MAMLD1: variants seen among roughly 807,000 people sequenced by gnomAD.
MAMLD1 encodes the protein mastermind like domain containing 1.
In MAMLD1, 14 loss-of-function variants were observed where a neutral mutation model predicts 45.0. The ratio of observed to expected loss-of-function variants is 0.31; its 90% CI spans 0.21 to 0.49. The LOEUF is 0.49. Ranked by LOEUF, MAMLD1 falls within the 20% of genes least tolerant of loss-of-function variation. The pLI, the probability that MAMLD1 is intolerant of heterozygous loss-of-function variation, is 0.99. For synonymous variants in MAMLD1, 254 were observed against 247.8 expected (o/e 1.02, Z -0.24); for missense variants, 543 against 603.6 (o/e 0.90, Z 1.05).
At position 150,393,407 on chromosome X, in the gene MAMLD1, C is replaced by T. The variant is rs1356926626; in HGVS notation, c.-64+29877C>T. On this transcript the variant is annotated intron_variant, in intron 1 of 7. Coordinates refer to ENST00000370401, the MANE Select transcript of MAMLD1 (RefSeq NM_005491.5). ...TTATAAATAAAGCTACTATAAATATCCATGTGCAGGCTTTTGTGCTGACAT... is the reference window on the plus strand; with the variant it reads ...TTATAAATAAAGCTACTATAAATATTCATGTGCAGGCTTTTGTGCTGACAT... Among the ~76,000 whole-genome samples the T allele has an allele frequency of 4.4e-5, 5 of 112,473 alleles. No homozygotes were observed. In the Admixed American group the frequency reaches 4.7e-4, roughly 11 times the overall value.
chrX:150,389,099 T>G (rs1419569285), intron 1 of MAMLD1, among the ~76,000 whole-genome samples: 1 of 111,277 alleles, frequency 9.0e-6, no homozygotes, highest in Non-Finnish European at 1.9e-5. Context: ...CAGGCTGAAG[T>G]GCAATGGCAT....
chrX:150,426,072 G>C (rs904071810), intron 1 of MAMLD1, among the ~76,000 whole-genome samples: 1 of 111,371 alleles, frequency 9.0e-6, no homozygotes, highest in African/African-American at 3.3e-5. Context: ...CAAAGCCTTG[G>C]CTATACTGAC....
intron 1 of MAMLD1, among the ~76,000 whole-genome samples, chrX:150,428,240 G>A (rs782277567): frequency 3.0e-4 from 34 of 111,669 alleles, no homozygotes; most frequent in Non-Finnish European, 6.2e-4. Context: ...TGTGAGTACA[G>A]TACTCACTCC....
chrX:150,365,981 A>G (rs1449937903), intron 1 of MAMLD1, among the ~76,000 whole-genome samples: 1 of 112,635 alleles, frequency 8.9e-6, no homozygotes, highest in African/African-American at 3.2e-5. Context: ...TAATGTTAGA[A>G]GTAACCTTTC....
rs1491519566 is a variant in MAMLD1 at position 150,481,969 on chromosome X, A to AAAGAAAGAAAG, written c.2040+8170_2040+8180dup. On this transcript the variant is annotated intron_variant, in intron 5 of 7. Coordinates refer to ENST00000370401, the MANE Select transcript of MAMLD1 (RefSeq NM_005491.5). ...AAAAAGAAAGAAAGAAAGAAAAAAGAAAGAAAGAAAGAAAGAAAGAAAGAA... is the reference window on the plus strand; with the variant it reads ...AAAAAGAAAGAAAGAAAGAAAAAAGAAAGAAAGAAAGAAGAAAGAAAGAAAGAAAGAAAGAA... Among the ~76,000 whole-genome samples, 4 of 35,232 alleles carry AAAGAAAGAAAG rather than the reference A, an allele frequency of 1.1e-4. No homozygotes were observed. The East Asian group carries it at 3.0e-3, about 26-fold the overall frequency. The allele number at this position is 35,232 out of a possible 115,157, so 30.6% of individuals were successfully genotyped here. A position where few individuals can be genotyped will look rare whatever the true frequency, so the allele number is the denominator to read the frequency against.
intron 1 of MAMLD1, among the ~76,000 whole-genome samples, chrX:150,418,105 A>T (rs199605479): frequency 9.0e-6 from 1 of 111,369 alleles, no homozygotes; most frequent in Non-Finnish European, 1.9e-5. Flanking sequence ...GATTATTGCC[A>T]CAATTTCAGC....
chrX:150,491,132 T>C (rs782059206), intron 5 of MAMLD1, among the ~76,000 whole-genome samples: 1 of 111,128 alleles, frequency 9.0e-6, no homozygotes, highest in South Asian at 3.9e-4. Flanking sequence ...GGGATTTCTG[T>C]TTGTTTTTTC....
chrX:150,416,219 A>G (rs1251988560), intron 1 of MAMLD1, among the ~76,000 whole-genome samples: 1 of 111,614 alleles, frequency 9.0e-6, no homozygotes, highest in African/African-American at 3.3e-5. Context: ...ATGGGATAGA[A>G]TAGTTTTGAG....
At chrX:150,413,851 A>G (rs2034182186) in intron 1 of MAMLD1, among the ~76,000 whole-genome samples, 1 of 109,227 alleles carries the variant, frequency 9.2e-6, no homozygotes. Context: ...TACAAAGGAT[A>G]GAACTCCTCA....
At position 150,470,255 on chromosome X, in the gene MAMLD1, T is replaced by A. The variant is rs782717306; in HGVS notation, c.682T>A (p.Ser228Thr). 1 of 1,211,298 alleles carries A rather than the reference T, an allele frequency of 8.3e-7. No individual in the cohort carries two copies. The highest frequency in any genetic ancestry group is 1.1e-6 in the Non-Finnish European group (1 of 895,089). ...STTPKPSVQM[S>T]HLESLASSKE... Reference sequence around the variant, plus strand: ...AACTCCCAAGCCTTCGGTTCAGATGTCACACTTGGAGAGCCTGGCTTCCAG... The same window carrying A: ...AACTCCCAAGCCTTCGGTTCAGATGACACACTTGGAGAGCCTGGCTTCCAG... Residue 228 changes from serine (S) to threonine (T), a missense_variant, in exon 4 of 8, where the codon TCA (serine) becomes ACA (threonine). Physicochemically the swap from Ser to Thr is moderately conservative, Grantham distance 58 (BLOSUM62 1). Transcript: ENST00000370401.
At chrX:150,408,558 A>G (rs2034051464) in intron 1 of MAMLD1, among the ~76,000 whole-genome samples, 1 of 112,292 alleles carries the variant, frequency 8.9e-6, no homozygotes, top group African/African-American at 3.2e-5. Context: ...CTCCATGTCA[A>G]CTTTTATCTG....
chrX:150,476,145 G>C (rs1331807708), intron 5 of MAMLD1, among the ~76,000 whole-genome samples: 2 of 111,413 alleles, frequency 1.8e-5, no homozygotes, highest in Non-Finnish European at 3.8e-5. Flanking sequence ...TATTAAGGGA[G>C]GGATCTTTAA....
At position 150,413,103 on chromosome X, in the gene MAMLD1, C is replaced by A. The variant is rs59392249; in HGVS notation, c.-63-32351C>A. Among the ~76,000 whole-genome samples, 784 of 111,386 alleles carry A rather than the reference C, an allele frequency of 7.0e-3. 9 individuals carry two copies. The highest frequency in any genetic ancestry group is 0.024 in the African/African-American group (740 of 30,630). Reference sequence around the variant, plus strand: ...TTTAGCTACCTGAGGCATTGCAAACCTGACTTGGACATTTTTGGGGTGTTC... The same window carrying A: ...TTTAGCTACCTGAGGCATTGCAAACATGACTTGGACATTTTTGGGGTGTTC... On this transcript the variant is annotated intron_variant, in intron 1 of 7. Transcript: ENST00000370401.
chrX:150,496,292 G>A (rs1239291923), intron 5 of MAMLD1, among the ~76,000 whole-genome samples: 2 of 112,572 alleles, frequency 1.8e-5, no homozygotes, highest in Middle Eastern at 4.6e-3. Context: ...TTGCGGTTAA[G>A]AGCCTGGATT....
chrX:150,415,444 A>C lies in MAMLD1; in HGVS notation c.-63-30010A>C, dbSNP rs2034225701. On this transcript the variant is annotated intron_variant, in intron 1 of 7. Transcript: ENST00000370401. ...ACTGTACCTTAACTTTGAATACAGA[A>C]TGCAATACAGAATGAAAAGTTTGTC... is the stretch of plus-strand genomic sequence containing the variant. Among the ~76,000 whole-genome samples the C allele has an allele frequency of 1.2e-4, 14 of 112,773 alleles. 1 individual carries two copies. Among genetic ancestry groups the C allele is most frequent in the Non-Finnish European group, 1.9e-5 (1 of 53,351 alleles).
At chrX:150,431,526 A>AT (rs782374505) in intron 1 of MAMLD1, among the ~76,000 whole-genome samples, 1 of 110,553 alleles carries the variant, frequency 9.0e-6, no homozygotes, top group South Asian at 3.9e-4. Context: ...CGTAATAAGC[A>AT]TAGTACCTGA....
intron 1 of MAMLD1, among the ~76,000 whole-genome samples, chrX:150,372,474 A>T (rs1398901257): frequency 8.9e-6 from 1 of 111,852 alleles, no homozygotes; most frequent in Non-Finnish European, 1.9e-5. Flanking sequence ...CCAACGTCAC[A>T]TGGTTTGCGT....
chrX:150,386,916 T>C (rs1490127339), intron 1 of MAMLD1, among the ~76,000 whole-genome samples: 3 of 111,595 alleles, frequency 2.7e-5, no homozygotes, highest in African/African-American at 9.8e-5. Context: ...TTCTGTTTTT[T>C]GGATAACAAA....
intron 5 of MAMLD1, among the ~76,000 whole-genome samples, chrX:150,490,275 C>T (rs943994725): frequency 1.8e-5 from 2 of 112,147 alleles, no homozygotes; most frequent in Non-Finnish European, 3.8e-5. Flanking sequence ...AGACTGACTA[C>T]TTTGGATAAC....
Sources: gnomAD v4.1 joint callset for allele counts (sites outside exome capture counted in the v4.1 genomes callset) on GRCh38, gnomAD v4.1.1 for gene constraint, MANE v1.5 for transcripts, NCBI Gene and HGNC (gene_info 2026-07-23, HGNC 2026-07-21) for gene names.